Variants in NRXN1 observed in about 807,000 individuals in gnomAD.
NRXN1 encodes the protein neurexin 1, also known as neurexin-1.
A neutral mutation model predicts 150.9 loss-of-function variants in NRXN1; 39 were observed. The observed-to-expected ratio is 0.26, with a 90% CI of 0.20 to 0.34. NRXN1 has a LOEUF of 0.34. NRXN1 is among the 10% of genes least tolerant of loss of function. NRXN1 has a pLI of 1.00. For synonymous variants in NRXN1, 924 were observed against 757.0 expected, an observed-to-expected ratio of 1.22 and a Z score of -3.62; for missense variants, 1,815 against 1,949.9, an observed-to-expected ratio of 0.93 and a Z score of 1.30.
chr2:50,855,373 C>G (rs901422692), intron 5 of NRXN1, among the ~76,000 whole-genome samples: 5 of 151,822 alleles, frequency 3.3e-5, no homozygotes, highest in African/African-American at 1.2e-4. Context: ...AAAAAGAAAA[C>G]TGAGACTCAA....
chr2:50,712,490 G>A (rs935362944), intron 5 of NRXN1, among the ~76,000 whole-genome samples: 1 of 152,050 alleles, frequency 6.6e-6, no homozygotes, highest in African/African-American at 2.4e-5. Flanking sequence ...AAAGATCTTG[G>A]TTTAATGTAG....
intron 5 of NRXN1, among the ~76,000 whole-genome samples, chr2:50,808,715 T>C (rs1667831927): frequency 6.6e-6 from 1 of 152,130 alleles, no homozygotes; most frequent in Admixed American, 6.6e-5. Context: ...AACCAGTATA[T>C]AACCTATAGT....
At chr2:50,284,032 A>G (rs2152935841) in intron 17 of NRXN1, among the ~76,000 whole-genome samples, 1 of 152,228 alleles carries the variant, frequency 6.6e-6, no homozygotes, top group South Asian at 2.1e-4. Context: ...TTGCCACATC[A>G]GCAAAAGCAA....
intron 21 of NRXN1, among the ~76,000 whole-genome samples, chr2:50,044,754 C>T (rs1691548679): frequency 6.6e-6 from 1 of 152,080 alleles, no homozygotes; most frequent in Non-Finnish European, 1.5e-5. Context: ...TCCTGAATTG[C>T]TAGGTATTTA....
At chr2:50,114,674 T>C (rs1702797024) in intron 18 of NRXN1, among the ~76,000 whole-genome samples, 1 of 137,128 alleles carries the variant, frequency 7.3e-6, no homozygotes, top group African/African-American at 2.7e-5. Flanking sequence ...TATCATTCAG[T>C]GCTAAAAGAA....
At chr2:50,858,841 A>T (rs1458389734) in intron 5 of NRXN1, among the ~76,000 whole-genome samples, 1 of 152,124 alleles carries the variant, frequency 6.6e-6, no homozygotes, top group South Asian at 2.1e-4. Flanking sequence ...GGCAGTCTTA[A>T]CACAATAATT....
chr2:50,983,460 C>T (rs2104908390), intron 2 of NRXN1, among the ~76,000 whole-genome samples: 1 of 152,186 alleles, frequency 6.6e-6, no homozygotes, highest in South Asian at 2.1e-4. Flanking sequence ...ATTAAGTCCC[C>T]ACCCAGTGGT....
At chr2:50,331,404 T>C (rs2076827800) in intron 17 of NRXN1, among the ~76,000 whole-genome samples, 1 of 151,924 alleles carries the variant, frequency 6.6e-6, no homozygotes, top group Admixed American at 6.6e-5. Context: ...GAATGCAGAG[T>C]GAGATTTAAA....
chr2:50,913,946 A>G (rs374709692), intron 5 of NRXN1, among the ~76,000 whole-genome samples: 3 of 151,942 alleles, frequency 2.0e-5, no homozygotes, highest in African/African-American at 7.2e-5. Flanking sequence ...ACAGTCCCAC[A>G]TAAAGCAGAA....
At chr2:50,607,599 T>C (rs941694493) in intron 8 of NRXN1, among the ~76,000 whole-genome samples, 1 of 152,046 alleles carries the variant, frequency 6.6e-6, no homozygotes, top group Non-Finnish European at 1.5e-5. Flanking sequence ...AACCATGGCC[T>C]AAAAATAAAG....
chr2:50,350,538 T>A (rs2078335203), intron 17 of NRXN1, among the ~76,000 whole-genome samples: 1 of 152,168 alleles, frequency 6.6e-6, no homozygotes, highest in Non-Finnish European at 1.5e-5. Flanking sequence ...TTGCTAAGGA[T>A]CATCAAAGTG....
intron 17 of NRXN1, among the ~76,000 whole-genome samples, chr2:50,390,913 A>G (rs771060247): frequency 1.3e-5 from 2 of 152,138 alleles, no homozygotes; most frequent in Non-Finnish European, 2.9e-5. Flanking sequence ...AGCAACACAA[A>G]CAGATTAAGA....
At chr2:50,232,138 G>A (rs2064999602) in intron 18 of NRXN1, among the ~76,000 whole-genome samples, 1 of 151,876 alleles carries the variant, frequency 6.6e-6, no homozygotes, top group South Asian at 2.1e-4. Flanking sequence ...AGTCATTTGG[G>A]GACAAAATGT....
intron 17 of NRXN1, among the ~76,000 whole-genome samples, chr2:50,250,709 G>T (rs185415629): frequency 2.0e-5 from 3 of 152,004 alleles, no homozygotes; most frequent in Admixed American, 1.3e-4. Flanking sequence ...ACTGCACTTA[G>T]TAAGTGTCTT....
intron 5 of NRXN1, among the ~76,000 whole-genome samples, chr2:50,626,216 T>G (rs751367096): frequency 9.9e-5 from 15 of 151,850 alleles, no homozygotes; most frequent in Non-Finnish European, 2.2e-4. Context: ...TTTCAACATA[T>G]GTAAATAGAT....
At chr2:50,484,734 A>G (rs974809407) in intron 15 of NRXN1, among the ~76,000 whole-genome samples, 7 of 152,242 alleles carry the variant, frequency 4.6e-5, no homozygotes, top group Non-Finnish European at 1.0e-4. Context: ...ACCAATATAT[A>G]GATGCTATGC....
chr2:50,999,662 G>T (rs1018766548), intron 2 of NRXN1, among the ~76,000 whole-genome samples: 1 of 151,892 alleles, frequency 6.6e-6, no homozygotes, highest in Admixed American at 6.6e-5. Context: ...GGTGAATTTC[G>T]ACTGATAGGG....
chr2:50,266,401 T>C (rs930987681), intron 17 of NRXN1, among the ~76,000 whole-genome samples: 1 of 148,300 alleles, frequency 6.7e-6, no homozygotes, highest in Non-Finnish European at 1.5e-5. Context: ...ATACTATAAA[T>C]GTATATATAA....
chr2:50,502,441 A>AAC (rs2104961232), intron 13 of NRXN1, among the ~76,000 whole-genome samples: 1 of 134,826 alleles, frequency 7.4e-6, no homozygotes, highest in South Asian at 2.6e-4. Flanking sequence ...AAAGGGAATA[A>AAC]ATACACACAC....
Sources: gnomAD v4.1 joint callset for allele counts (sites outside exome capture counted in the v4.1 genomes callset) on GRCh38, gnomAD v4.1.1 for gene constraint, MANE v1.5 for transcripts, NCBI Gene and HGNC (gene_info 2026-07-23, HGNC 2026-07-21) for gene names.